IL18RAP: variants seen among roughly 807,000 people sequenced by gnomAD.
IL18RAP encodes the protein interleukin-18 receptor accessory protein.
A neutral mutation model predicts 58.1 loss-of-function variants in IL18RAP; 37 were observed. The observed-to-expected ratio is 0.64, with a 90% CI of 0.49 to 0.84. IL18RAP has a LOEUF of 0.84. Ranked by LOEUF, IL18RAP falls within the 40% of genes least tolerant of loss-of-function variation. The pLI is 0.00. For missense variants in IL18RAP, 667 were observed against 704.8 expected, an observed-to-expected ratio of 0.95 and a Z score of 0.61; for synonymous variants, 268 against 257.5, an observed-to-expected ratio of 1.04 and a Z score of -0.39.
At chr2:102,451,461 A>T (rs1158265715) in intron 9 of IL18RAP, among the ~76,000 whole-genome samples, 1 of 152,178 alleles carries the variant, frequency 6.6e-6, no homozygotes, top group African/African-American at 2.4e-5. Context: ...CCTCCTCCTC[A>T]GATACCCCCA....
chr2:102,424,648 C>T (rs1681818522), intron 3 of IL18RAP, among the ~76,000 whole-genome samples: 1 of 152,144 alleles, frequency 6.6e-6, no homozygotes, highest in Non-Finnish European at 1.5e-5. Context: ...AGAGAAACTT[C>T]TAAAATTCAA....
At chr2:102,425,971 G>A (rs923088238) in intron 3 of IL18RAP, among the ~76,000 whole-genome samples, 3 of 152,240 alleles carry the variant, frequency 2.0e-5, no homozygotes, top group African/African-American at 4.8e-5. Flanking sequence ...CTTAAGAATA[G>A]GTGAACAATG....
rs749438591 is a variant in IL18RAP, at chr2:102,424,374, G to T, written c.539G>T (p.Cys180Phe). ...TCTATTTCTTGCCCCAGTCTCAGCT[G>T]CCAAAGTGATGCACAAAGTCCAGCG... ...TGSISCPSLS[C>F]QSDAQSPAVT... The change falls in exon 3 of 10, where the codon TGC becomes TTC. Residue 180 changes from cysteine to phenylalanine, a missense_variant. Coordinates refer to ENST00000687160, the MANE Select transcript of IL18RAP (RefSeq NM_001393487.1). 2.2e-5 allele frequency: 36 copies of T among 1,614,032 alleles called. 1 individual carries two copies. Among genetic ancestry groups the T allele is most frequent in the Middle Eastern group, 1.6e-4 (1 of 6,062 alleles).
chr2:102,420,773 T>C (rs1681527613), upstream of IL18RAP, among the ~76,000 whole-genome samples: 1 of 152,200 alleles, frequency 6.6e-6, no homozygotes, highest in African/African-American at 2.4e-5. Flanking sequence ...AGTCCAGACA[T>C]TTTATTTTGC....
chr2:102,444,362 C>G (rs1022978664), intron 6 of IL18RAP, among the ~76,000 whole-genome samples: 1 of 152,152 alleles, frequency 6.6e-6, no homozygotes, highest in Non-Finnish European at 1.5e-5. Flanking sequence ...CATTTTCTAT[C>G]TGATGTCAAC....
At chr2:102,449,843 G>A (rs1302784397) in intron 8 of IL18RAP, among the ~76,000 whole-genome samples, 1 of 152,150 alleles carries the variant, frequency 6.6e-6, no homozygotes, top group African/African-American at 2.4e-5. Flanking sequence ...TGCCAGCCAT[G>A]CCCCACAAGT....
chr2:102,442,595 T>C (rs1161065976), intron 5 of IL18RAP, among the ~76,000 whole-genome samples: 1 of 152,112 alleles, frequency 6.6e-6, no homozygotes, highest in Admixed American at 6.5e-5. Context: ...CAAATGGAGC[T>C]CCTAGTCATT....
At chr2:102,451,305 G>A (rs564457446) in intron 9 of IL18RAP, among the ~76,000 whole-genome samples, 1 of 152,276 alleles carries the variant, frequency 6.6e-6, no homozygotes, top group African/African-American at 2.4e-5. Context: ...TGAACTACTC[G>A]CTCACCCCAA....
At chr2:102,435,502 C>A (rs1682676428) in intron 3 of IL18RAP, among the ~76,000 whole-genome samples, 1 of 152,132 alleles carries the variant, frequency 6.6e-6, no homozygotes, top group Admixed American at 6.5e-5. Flanking sequence ...GACCTGGACA[C>A]AATGAGTCTA....
At chr2:102,426,865 A>C (rs1026359917) in intron 3 of IL18RAP, among the ~76,000 whole-genome samples, 1 of 151,850 alleles carries the variant, frequency 6.6e-6, no homozygotes, top group Non-Finnish European at 1.5e-5. Context: ...CCTCCCATCT[A>C]TCTGAAACTT....
At chr2:102,451,591 G>A (rs1683769148) in intron 9 of IL18RAP, among the ~76,000 whole-genome samples, 175 bp from the exon 10 acceptor site, 2 of 152,218 alleles carry the variant, frequency 1.3e-5, no homozygotes, top group Admixed American at 6.5e-5. Context: ...GAATGTAAAG[G>A]TGAGGGTCAC....
chr2:102,451,533 T>G (rs919583257), intron 9 of IL18RAP, among the ~76,000 whole-genome samples: 21 of 152,338 alleles, frequency 1.4e-4, no homozygotes, highest in African/African-American at 4.8e-4. Context: ...CCAGTCAGCT[T>G]TATTCCTAGA....
chr2:102,443,125 C>G, intron 5 of IL18RAP, 75 bp from the exon 6 acceptor site: 1 of 1,447,910 alleles, frequency 6.9e-7, no homozygotes. Flanking sequence ...CTTCTGGCGA[C>G]GTCTTCCTCC....
Position 102,451,877 on chromosome 2 carries a change from A to G in IL18RAP, c.1496A>G (p.Asn499Ser). The change falls in exon 10 of 10, where the codon AAT becomes AGT. Residue 499 changes from asparagine (N) to serine (S), a missense_variant. By Grantham distance (46) the Asn-to-Ser change is conservative. Transcript: ENST00000687160. The part of the protein sequence containing the change: ...PSIFELQAAV[N>S]LALDDQTLKL... ...ATCTTTGAACTACAAGCAGCAGTGA[A>G]TCTTGCCTTGGATGATCAAACACTG... 6.2e-7 allele frequency: 1 copy of G among 1,614,226 alleles called. No homozygotes were observed. Among genetic ancestry groups the G allele is most frequent in the Non-Finnish European group, 8.5e-7 (1 of 1,180,038 alleles).
chr2:102,445,215 T>C lies in IL18RAP; in HGVS notation c.947T>C (p.Ile316Thr), dbSNP rs781477196. The change falls in exon 7 of 10, where the codon ATC becomes ACC. Residue 316 changes from isoleucine (I) to threonine (T), a missense_variant. Ile to Thr is a moderately conservative substitution (Grantham distance 89). Transcript: ENST00000687160. ...KSIKSTLKDE[I>T]IERNIILEKV... ...ATTAAATCCACTTTAAAGGATGAAA[T>C]CATTGAGCGTAATATCATCTTGGAA... 9.3e-6 allele frequency: 15 copies of C among 1,613,968 alleles called. No individual in the cohort carries two copies. In the South Asian group the frequency reaches 1.6e-4, roughly 18 times the overall value.
At chr2:102,447,532 G>A (rs760414039) in intron 8 of IL18RAP, among the ~76,000 whole-genome samples, 10 of 152,056 alleles carry the variant, frequency 6.6e-5, no homozygotes, top group Non-Finnish European at 1.0e-4. Context: ...TGTGAAACAT[G>A]TTGGACTTAA....
chr2:102,451,794 T>C lies in IL18RAP; in HGVS notation c.1413T>C (p.Ile471=). ...GVYAEDIVSI[I]KRSRRGIFIL... is the part of the protein sequence containing the mutation. ...ATGCAGAAGACATTGTGAGCATTAT[T>C]AAGAGAAGCAGAAGAGGAATATTTA... The change falls in exon 10 of 10, where the codon ATT becomes ATC. Residue 471 remains isoleucine, a synonymous_variant. Transcript: ENST00000687160. The C allele has an allele frequency of 1.2e-6, 2 of 1,613,312 alleles. No individual in the cohort carries two copies. The highest frequency in any genetic ancestry group is 1.1e-5 in the South Asian group (1 of 90,960).
intron 4 of IL18RAP, chr2:102,439,668 T>G (rs1222877136): frequency 6.6e-6 from 1 of 152,274 alleles, no homozygotes; most frequent in Non-Finnish European, 1.5e-5. Context: ...GAATCAAGGA[T>G]GTTTTTTGTT....
chr2:102,424,294 A>C lies in IL18RAP; in HGVS notation c.459A>C (p.Ala153=). The C allele has an allele frequency of 6.2e-7, 1 of 1,614,110 alleles. No individual in the cohort carries two copies. Among genetic ancestry groups the C allele is most frequent in the East Asian group, 2.2e-5 (1 of 44,886 alleles). ...TAGAAGTTAAGCCCCAGACAAATGC[A>C]TCCTGTGAGTATTCCGCATCACATA... ...MILEVKPQTN[A]SCEYSASHKQ... Residue 153 remains alanine (A), a synonymous_variant, in exon 3 of 10, where the codon GCA becomes GCC. Coordinates refer to ENST00000687160, the MANE Select transcript of IL18RAP (RefSeq NM_001393487.1).
Sources: allele counts gnomAD v4.1 joint callset (sites outside exome capture counted in the v4.1 genomes callset), GRCh38; gene constraint gnomAD v4.1.1; transcripts MANE v1.5; gene names NCBI Gene and HGNC (gene_info 2026-07-23, HGNC 2026-07-21).